CELA1: variants seen among roughly 807,000 people sequenced by gnomAD.
CELA1 encodes chymotrypsin-like elastase family member 1.
CELA1 carries 28 observed loss-of-function variants against 34.8 expected under a neutral mutation model. The observed-to-expected ratio is 0.80, with a 90% CI of 0.60 to 1.10. CELA1 has a LOEUF of 1.10. Among genes scored for constraint, CELA1 ranks in the 50% least tolerant of loss-of-function variants. The pLI is 0.00. For synonymous variants in CELA1, 140 were observed against 129.8 expected, an observed-to-expected ratio of 1.08 and a Z score of -0.53; for missense variants, 288 against 327.5, an observed-to-expected ratio of 0.88 and a Z score of 0.93.
intron 6 of CELA1, among the ~76,000 whole-genome samples, chr12:51,336,484 AG>A (rs1456503877): frequency 3.9e-5 from 6 of 152,128 alleles, no homozygotes; most frequent in Non-Finnish European, 5.9e-5. Context: ...AAAATTAGCC[AG>A]GTGTTGTGGC....
At chr12:51,332,989 G>A (rs1291114692) in intron 6 of CELA1, among the ~76,000 whole-genome samples, 1 of 152,142 alleles carries the variant, frequency 6.6e-6, no homozygotes, top group Non-Finnish European at 1.5e-5. Context: ...GAGTGCAGTA[G>A]TGCCATTTCG....
chr12:51,345,533 G>A (rs1946560787), intron 2 of CELA1, among the ~76,000 whole-genome samples: 1 of 152,222 alleles, frequency 6.6e-6, no homozygotes, highest in South Asian at 2.1e-4. Flanking sequence ...TGGCACAAGT[G>A]CTGTCGCTGA....
At chr12:51,339,451 C>G (rs1055169028) in intron 6 of CELA1, among the ~76,000 whole-genome samples, 1 of 152,088 alleles carries the variant, frequency 6.6e-6, no homozygotes, top group Non-Finnish European at 1.5e-5. Context: ...ACTTGGGAGG[C>G]TGAGGCAGGA....
chr12:51,339,959 A>G lies in CELA1; in HGVS notation c.510T>C (p.Ser170=), dbSNP rs1244375940. The G allele has an allele frequency of 2.5e-6, 4 of 1,614,008 alleles. No individual in the cohort carries two copies. Among genetic ancestry groups the G allele is most frequent in the Non-Finnish European group, 2.5e-6 (3 of 1,180,004 alleles). Residue 170 remains serine, a synonymous_variant, in exon 6 of 8, where the codon TCT becomes TCC. Transcript: ENST00000293636. ...AQTLQQAYLP[S]VDYAICSSSS... ...AGCTGGAGCAGATGGCGTAGTCCAC[A>G]GAGGGCAGGTAAGCCTGCTGCAGGG...
rs756714275 is a variant in CELA1, at chr12:51,341,296, G to A, written c.411C>T (p.Ala137=). The A allele has an allele frequency of 1.2e-6, 2 of 1,614,058 alleles. No individual in the cohort carries two copies. The highest frequency in any genetic ancestry group is 8.5e-7 in the Non-Finnish European group (1 of 1,180,034). The change falls in exon 5 of 8, where the codon GCC becomes GCT. Residue 137 remains alanine (A), a synonymous_variant. Coordinates refer to ENST00000293636, the MANE Select transcript of CELA1 (RefSeq NM_001971.6). ...AGCAGGGACTGTTGTTAGCCAGGAT[G>A]GCTCCCTCCTGGGGCAGAACACCCA... ...VQLGVLPQEG[A]ILANNSPCYI...
At chr12:51,346,231 T>C (rs1288667762) in intron 1 of CELA1, among the ~76,000 whole-genome samples, 1 of 130,634 alleles carries the variant, frequency 7.7e-6, no homozygotes, top group African/African-American at 2.8e-5. Flanking sequence ...AGCCCCCTAA[T>C]GCTTTGGCAA....
intron 7 of CELA1, among the ~76,000 whole-genome samples, chr12:51,329,295 G>A (rs968888409): frequency 4.7e-5 from 7 of 149,070 alleles, no homozygotes; most frequent in Non-Finnish European, 1.0e-4. Flanking sequence ...TTATCATAAT[G>A]TCCTTAGAAA....
Position 51,329,822 on chromosome 12 carries a change from C to T in CELA1, c.621G>A (p.Gly207=). Residue 207 remains glycine (G), a synonymous_variant, in exon 7 of 8, where the codon GGG becomes GGA. Coordinates refer to ENST00000293636, the MANE Select transcript of CELA1 (RefSeq NM_001971.6). ...GVRSGCQGDS[G]GPLHCLVNGK... Reference sequence around the variant, plus strand: ...CATTCACCAAGCAATGGAGGGGGCCCCCAGAGTCACCCTGCAGGGAGGAGA... The same window carrying T: ...CATTCACCAAGCAATGGAGGGGGCCTCCAGAGTCACCCTGCAGGGAGGAGA... The T allele has an allele frequency of 6.2e-7, 1 of 1,610,952 alleles. No homozygotes were observed. The highest frequency in any genetic ancestry group is 8.5e-7 in the Non-Finnish European group (1 of 1,178,836).
At chr12:51,336,824 T>C (rs1946501879) in intron 6 of CELA1, among the ~76,000 whole-genome samples, 2 of 152,116 alleles carry the variant, frequency 1.3e-5, no homozygotes, top group African/African-American at 2.4e-5. Context: ...TCCTCCTCCT[T>C]CCCTCCTCCG....
chr12:51,329,654 C>T, intron 7 of CELA1, 30 bp downstream of exon 7: 1 of 1,584,236 alleles, frequency 6.3e-7, no homozygotes, highest in South Asian at 1.2e-5. Flanking sequence ...CAGGTGACCC[C>T]ATTTCAACCC....
At chr12:51,343,514 G>A (rs973019593) in intron 3 of CELA1, among the ~76,000 whole-genome samples, 1 of 152,156 alleles carries the variant, frequency 6.6e-6, no homozygotes, top group African/African-American at 2.4e-5. Flanking sequence ...GGAGAATGGG[G>A]GCATAGTTGC....
chr12:51,335,845 C>T (rs1946497448), intron 6 of CELA1, among the ~76,000 whole-genome samples: 1 of 152,104 alleles, frequency 6.6e-6, no homozygotes, highest in Non-Finnish European at 1.5e-5. Flanking sequence ...CTACATTTCC[C>T]AGGCTGGTCT....
At chr12:51,344,271 CTGTGTACA>C in intron 2 of CELA1, among the ~76,000 whole-genome samples, 1 of 152,312 alleles carries the variant, frequency 6.6e-6, no homozygotes, top group Middle Eastern at 3.4e-3. Flanking sequence ...GTGATGTTTG[CTGTGTACA>C]TGGATGGAGG....
intron 5 of CELA1, among the ~76,000 whole-genome samples, 162 bp downstream of exon 5, chr12:51,341,082 C>A (rs1227025982): frequency 3.2e-4 from 48 of 152,174 alleles, no homozygotes; most frequent in Admixed American, 2.1e-3. Context: ...TACTTCACAG[C>A]CCATTCTTAG....
At position 51,345,818 on chromosome 12, in the gene CELA1, C is replaced by G. The variant is rs200914206; in HGVS notation, c.76G>C (p.Gly26Arg). 6.4e-7 allele frequency: 1 copy of G among 1,557,748 alleles called. No individual in the cohort carries two copies. Residue 26 changes from glycine (G) to arginine (R), a missense_variant, in exon 2 of 8, where the codon GGG becomes CGG. Physicochemically the swap from Gly to Arg is moderately radical, Grantham distance 125. Coordinates refer to ENST00000293636, the MANE Select transcript of CELA1 (RefSeq NM_001971.6). ...NARVVGGTEA[G>R]RNSWPSQISL... ...ACCTGAGAGGGCCAGGAATTCCTCC[C>G]GGCCTCAGTCCCTCCGACTACGCGG...
At chr12:51,340,656 C>T (rs758589240) in intron 5 of CELA1, among the ~76,000 whole-genome samples, 10 of 152,068 alleles carry the variant, frequency 6.6e-5, no homozygotes, top group Non-Finnish European at 1.3e-4. Flanking sequence ...AGACTCATGC[C>T]ACCACACTCA....
intron 7 of CELA1, among the ~76,000 whole-genome samples, chr12:51,329,253 CAAA>C (rs71089791): frequency 2.4e-4 from 24 of 102,082 alleles, no homozygotes; most frequent in Non-Finnish European, 3.1e-4. Context: ...GACTCTGTCT[CAAA>C]AAAAAAAAAA....
chr12:51,345,838 A>G lies in CELA1; in HGVS notation c.56T>C (p.Val19Ala). 2 of 1,559,862 alleles carry G rather than the reference A, an allele frequency of 1.3e-6. No individual in the cohort carries two copies. The highest frequency in any genetic ancestry group is 1.7e-6 in the Non-Finnish European group (2 of 1,151,096). ...TQDLPETNARVVGGTEAGRNS... is the reference protein window; with the variant it reads ...TQDLPETNARAVGGTEAGRNS... ...CCTCCCGGCCTCAGTCCCTCCGACTACGCGGGCATTGGTTTCCGGAAGGTC... is the reference window on the plus strand; with the variant it reads ...CCTCCCGGCCTCAGTCCCTCCGACTGCGCGGGCATTGGTTTCCGGAAGGTC... Residue 19 changes from valine (V) to alanine (A), a missense_variant, in exon 2 of 8, where the codon GTA (valine) becomes GCA (alanine). Val to Ala is a moderately conservative substitution (Grantham distance 64). Coordinates refer to ENST00000293636, the MANE Select transcript of CELA1 (RefSeq NM_001971.6).
At position 51,341,269 on chromosome 12, in the gene CELA1, G is replaced by A; in HGVS notation, c.438C>T (p.Tyr146=). 3.7e-6 allele frequency: 6 copies of A among 1,614,150 alleles called. No homozygotes were observed. In the East Asian group the frequency reaches 1.3e-4, roughly 36 times the overall value. ...GAILANNSPC[Y]ITGWGKTKTN... ...TCTTGGTCTTGCCCCAGCCTGTGAT[G>A]TAGCAGGGACTGTTGTTAGCCAGGA... The change falls in exon 5 of 8, where the codon TAC becomes TAT. Residue 146 remains tyrosine, a synonymous_variant. Transcript: ENST00000293636.
Sources: allele counts gnomAD v4.1 joint callset (sites outside exome capture counted in the v4.1 genomes callset), GRCh38; gene constraint gnomAD v4.1.1; transcripts MANE v1.5; gene names NCBI Gene and HGNC (gene_info 2026-07-23, HGNC 2026-07-21).